The following SNX7 variants were observed in gnomAD, a reference collection of about 807,000 sequenced individuals.
The protein encoded by SNX7 is sorting nexin 7.
Under a neutral mutation model 48.4 loss-of-function variants are expected in SNX7, and 35 were observed. The ratio of observed to expected loss-of-function variants is 0.72; its 90% CI spans 0.55 to 0.96. SNX7 has a LOEUF of 0.96. Ranked by LOEUF, SNX7 falls within the 40% of genes least tolerant of loss-of-function variation. The pLI, the probability that SNX7 is intolerant of heterozygous loss-of-function variation, is 0.00. For synonymous variants in SNX7, 190 were observed against 190.2 expected (o/e 1.00, Z 0.01); for missense variants, 553 against 548.9 (o/e 1.01, Z -0.07).
At chr1:98,667,982 ACTT>A (rs1347059979) in intron 1 of SNX7, among the ~76,000 whole-genome samples, 1 of 152,100 alleles carries the variant, frequency 6.6e-6, no homozygotes. Context: ...ATCCAGGACT[ACTT>A]ATATTTCTCT....
At chr1:98,695,351 C>A (rs540903504) in intron 4 of SNX7, among the ~76,000 whole-genome samples, 167 bp from the exon 5 acceptor site, 1 of 152,240 alleles carries the variant, frequency 6.6e-6, no homozygotes, top group South Asian at 2.1e-4. Context: ...TTAGAGGAAA[C>A]ACTGTACCTT....
At position 98,738,272 on chromosome 1, in the gene SNX7, G is replaced by A. The variant is rs1653894643; in HGVS notation, c.1161G>A (p.Val387=). The A allele has an allele frequency of 6.2e-7, 1 of 1,613,248 alleles. No homozygotes were observed. The highest frequency in any genetic ancestry group is 8.5e-7 in the Non-Finnish European group (1 of 1,179,636). Residue 387 remains valine, a synonymous_variant, in exon 8 of 9, where the codon GTG becomes GTA. Coordinates refer to ENST00000306121, the MANE Select transcript of SNX7 (RefSeq NM_015976.5). ...PEEIGKLEDK[V]ECANNALKAD... ...AGATTGGAAAACTTGAAGATAAAGT[G>A]GAATGTGCTAATAATGCCCTGAAAG...
rs564344122 is a variant in SNX7 at position 98,684,572 on chromosome 1, G to A, written c.181-313G>A. ...CCCTTATGACTTACTCACCTTTAAA[G>A]GCTCCACCTCTTAATACTATTGCAT... On this transcript the variant is annotated intron_variant, in intron 1 of 8. Transcript: ENST00000306121. Among the ~76,000 whole-genome samples the A allele has an allele frequency of 5.3e-5, 8 of 152,244 alleles. No individual in the cohort carries two copies. In the East Asian group the frequency reaches 1.5e-3, roughly 29 times the overall value.
At chr1:98,661,982 G>T in intron 1 of SNX7, 71 bp downstream of exon 1, 1 of 1,234,862 alleles carries the variant, frequency 8.1e-7, no homozygotes, top group Non-Finnish European at 1.0e-6. Context: ...TTGCGCCGAC[G>T]GCTGCCTCTG....
intron 7 of SNX7, among the ~76,000 whole-genome samples, chr1:98,711,424 G>C (rs1194075835): frequency 1.3e-5 from 2 of 148,368 alleles, no homozygotes; most frequent in Non-Finnish European, 2.9e-5. Context: ...TTTATTACAG[G>C]CATACCTTGG....
chr1:98,757,412 G>A (rs149009406), intron 8 of SNX7, among the ~76,000 whole-genome samples: 1 of 151,972 alleles, frequency 6.6e-6, no homozygotes, highest in Non-Finnish European at 1.5e-5. Context: ...CCTTCCTGCT[G>A]TGTCCTCAGA....
At chr1:98,666,081 T>C (rs904472591) in intron 1 of SNX7, among the ~76,000 whole-genome samples, 1 of 152,222 alleles carries the variant, frequency 6.6e-6, no homozygotes, top group Non-Finnish European at 1.5e-5. Context: ...CTTACTAATT[T>C]CTCACATATA....
intron 7 of SNX7, among the ~76,000 whole-genome samples, chr1:98,727,983 ACTT>A (rs1332456549): frequency 6.6e-6 from 1 of 152,176 alleles, no homozygotes; most frequent in Non-Finnish European, 1.5e-5. Flanking sequence ...ATCCAGGAGA[ACTT>A]CTCTAACCTA....
intron 1 of SNX7, among the ~76,000 whole-genome samples, chr1:98,666,927 G>C (rs1308266190): frequency 6.6e-6 from 1 of 152,154 alleles, no homozygotes; most frequent in African/African-American, 2.4e-5. Flanking sequence ...AGCCCTAGCC[G>C]AAGTCCCTGG....
chr1:98,743,413 G>T (rs978440010), intron 8 of SNX7, among the ~76,000 whole-genome samples: 2 of 151,790 alleles, frequency 1.3e-5, no homozygotes, highest in African/African-American at 4.8e-5. Flanking sequence ...CTGAATAAAA[G>T]GTTCTACTCT....
intron 8 of SNX7, among the ~76,000 whole-genome samples, chr1:98,758,818 T>C (rs1032058594): frequency 2.0e-5 from 3 of 152,086 alleles, no homozygotes; most frequent in African/African-American, 7.2e-5. Context: ...GCTTCCTAAG[T>C]TATTAGAGCC....
chr1:98,742,290 A>T (rs1274808456), intron 8 of SNX7, among the ~76,000 whole-genome samples: 1 of 152,260 alleles, frequency 6.6e-6, no homozygotes, highest in East Asian at 1.9e-4. Context: ...TGTCTATGGC[A>T]CATAGCAGAT....
chr1:98,742,114 A>G (rs1475898692), intron 8 of SNX7, among the ~76,000 whole-genome samples: 1 of 152,156 alleles, frequency 6.6e-6, no homozygotes, highest in Non-Finnish European at 1.5e-5. Context: ...CACCTTTGTT[A>G]TTAAGGAGGT....
At chr1:98,705,094 G>A (rs1007360437) in intron 7 of SNX7, among the ~76,000 whole-genome samples, 2 of 152,128 alleles carry the variant, frequency 1.3e-5, no homozygotes, top group South Asian at 2.1e-4. Flanking sequence ...CCCACAAAAG[G>A]TATGTGTTTT....
At chr1:98,665,493 CTT>C (rs1491180665) in intron 1 of SNX7, among the ~76,000 whole-genome samples, 1 of 151,952 alleles carries the variant, frequency 6.6e-6, no homozygotes, top group Non-Finnish European at 1.5e-5. Context: ...TAATGAAAGA[CTT>C]AAGATTGTGT....
intron 1 of SNX7, among the ~76,000 whole-genome samples, chr1:98,663,235 C>A: frequency 2.3e-5 from 3 of 129,706 alleles, no homozygotes; most frequent in South Asian, 2.7e-4. Context: ...GTATCAGAAT[C>A]ATCAGGGTTT....
intron 7 of SNX7, among the ~76,000 whole-genome samples, chr1:98,724,363 C>T (rs1201662168): frequency 6.6e-6 from 1 of 151,764 alleles, no homozygotes; most frequent in Non-Finnish European, 1.5e-5. Flanking sequence ...ATTATAGTTG[C>T]TTCTGCCAGA....
intron 1 of SNX7, among the ~76,000 whole-genome samples, chr1:98,684,585 A>G (rs12026948): frequency 0.27 from 40,961 of 151,982 alleles, 5,731 homozygotes; most frequent in Non-Finnish European, 0.3. Context: ...TCCACCTCTT[A>G]ATACTATTGC....
At position 98,663,252 on chromosome 1, in the gene SNX7, GGTTTTTTTTTTTTTTTTTTTTTTTTT is replaced by G. The variant is rs1213670044; in HGVS notation, c.180+1342_180+1367del. 1.4e-3 allele frequency among the ~76,000 whole-genome samples: 118 copies of G among 83,158 alleles called. 4 individuals are homozygous for G. The highest frequency in any genetic ancestry group is 5.6e-3 in the East Asian group (14 of 2,478). 54.6% of individuals were successfully genotyped at this position (83,158 alleles called of 152,430 possible). A position where few individuals can be genotyped will look rare whatever the true frequency, so the allele number is the denominator to read the frequency against. Reference sequence around the variant, plus strand: ...ATCAGAATCATCAGGGTTTCTTTCTGGTTTTTTTTTTTTTTTTTTTTTTTTTTTTTTTTTTTTTTTGTCGGGGCTGG... The same window carrying G: ...ATCAGAATCATCAGGGTTTCTTTCTGTTTTTTTTTTTTTTGTCGGGGCTGG... On this transcript the variant is annotated intron_variant, in intron 1 of 8. Transcript: ENST00000306121.
Sources: gnomAD v4.1 joint callset for allele counts (sites outside exome capture counted in the v4.1 genomes callset) on GRCh38, gnomAD v4.1.1 for gene constraint, MANE v1.5 for transcripts, NCBI Gene and HGNC (gene_info 2026-07-23, HGNC 2026-07-21) for gene names.